Variants in PDGFD observed in about 807,000 individuals in gnomAD.
The protein encoded by PDGFD is platelet-derived growth factor D.
In PDGFD, 30 loss-of-function variants were observed where a neutral mutation model predicts 44.7. That is an observed-to-expected ratio of 0.67 (90% CI 0.50 to 0.91). The LOEUF (loss-of-function observed/expected upper bound fraction) is 0.91, where lower values mean the gene tolerates loss of function less well. Ranked by LOEUF, PDGFD falls within the 40% of genes least tolerant of loss-of-function variation. The pLI is 0.00. For synonymous variants in PDGFD, 173 were observed against 168.4 expected, an observed-to-expected ratio of 1.03 and a Z score of -0.21; for missense variants, 445 against 457.8, an observed-to-expected ratio of 0.97 and a Z score of 0.25.
intron 6 of PDGFD, among the ~76,000 whole-genome samples, chr11:103,920,608 A>G (rs903141452): frequency 6.6e-6 from 1 of 152,204 alleles, no homozygotes; most frequent in Non-Finnish European, 1.5e-5. Flanking sequence ...GGAGTTCACT[A>G]ACTTGTAAGT....
intron 3 of PDGFD, among the ~76,000 whole-genome samples, chr11:103,983,982 A>T (rs182669512): frequency 1.3e-5 from 2 of 151,686 alleles, no homozygotes; most frequent in Non-Finnish European, 2.9e-5. Flanking sequence ...CAGCCATGGC[A>T]GAAGACAGTG....
intron 1 of PDGFD, among the ~76,000 whole-genome samples, chr11:104,040,727 GACA>G (rs2134398777): frequency 6.7e-6 from 1 of 150,208 alleles, no homozygotes; most frequent in African/African-American, 2.4e-5. Flanking sequence ...AATTTTTTTT[GACA>G]ACAAACTACA....
At chr11:103,984,632 C>T (rs921400029) in intron 3 of PDGFD, among the ~76,000 whole-genome samples, 2 of 150,984 alleles carry the variant, frequency 1.3e-5, no homozygotes, top group Non-Finnish European at 2.9e-5. Flanking sequence ...TGGGTGTTTA[C>T]TTTTTGTTTA....
chr11:103,937,424 C>T (rs10895547), intron 5 of PDGFD, among the ~76,000 whole-genome samples: 48,886 of 151,902 alleles, frequency 0.32, 8,247 homozygotes, highest in East Asian at 0.39. Context: ...ATCACCTCTC[C>T]GTTAATGTCC....
At chr11:104,117,627 T>A (rs1819637507) in intron 1 of PDGFD, among the ~76,000 whole-genome samples, 1 of 151,878 alleles carries the variant, frequency 6.6e-6, no homozygotes, top group South Asian at 2.1e-4. Context: ...CTCAACCCCT[T>A]TTAAAATAAC....
intron 1 of PDGFD, among the ~76,000 whole-genome samples, chr11:104,119,558 A>G (rs1392240398): frequency 2.4e-5 from 2 of 82,912 alleles, no homozygotes; most frequent in African/African-American, 5.1e-5. Context: ...ATATTGATAT[A>G]ATATATAATA....
chr11:103,938,477 G>A (rs1237709247), intron 5 of PDGFD, among the ~76,000 whole-genome samples: 1 of 152,138 alleles, frequency 6.6e-6, no homozygotes, highest in Non-Finnish European at 1.5e-5. Context: ...TGAGTAGGTT[G>A]CAAAAATTTT....
intron 1 of PDGFD, among the ~76,000 whole-genome samples, chr11:104,159,539 A>G (rs1429620726): frequency 6.6e-6 from 1 of 152,248 alleles, no homozygotes; most frequent in Non-Finnish European, 1.5e-5. Context: ...GGACAGAGAC[A>G]GAAATATGCA....
intron 6 of PDGFD, among the ~76,000 whole-genome samples, chr11:103,912,761 C>T (rs1480109961): frequency 6.6e-6 from 1 of 151,196 alleles, no homozygotes; most frequent in African/African-American, 2.4e-5. Flanking sequence ...CACACATAGG[C>T]TCAAAATAAA....
intron 1 of PDGFD, among the ~76,000 whole-genome samples, chr11:104,118,400 C>A (rs370150054): frequency 1.8e-4 from 28 of 151,982 alleles, no homozygotes; most frequent in South Asian, 1.0e-3. Context: ...ATCAACCTAG[C>A]AAGTTCATCT....
In PDGFD at chr11:103,926,919, T is replaced by A; in HGVS notation, c.980A>T (p.Tyr327Phe). The change falls in exon 6 of 7, where the codon TAT becomes TTT. Residue 327 changes from tyrosine to phenylalanine, a missense_variant. Tyr to Phe is a conservative substitution (Grantham distance 22, BLOSUM62 3). Coordinates refer to ENST00000393158, the MANE Select transcript of PDGFD (RefSeq NM_025208.5). The stretch of plus-strand genomic sequence containing the variant: ...AATCTAAGAATGACATACCTCATGA[T>A]ACTTTTTCACGGTTTTCCCTGAATT... Reference protein sequence around the residue: ...TCNSGKTVKKYHEVLQFEPGH... With the variant: ...TCNSGKTVKKFHEVLQFEPGH... The A allele has an allele frequency of 6.2e-7, 1 of 1,613,624 alleles. No individual in the cohort carries two copies. Among genetic ancestry groups the A allele is most frequent in the Non-Finnish European group, 8.5e-7 (1 of 1,179,698 alleles).
At chr11:104,005,074 T>C (rs901464499) in intron 1 of PDGFD, among the ~76,000 whole-genome samples, 1 of 152,044 alleles carries the variant, frequency 6.6e-6, no homozygotes. Context: ...AGACAGGGCT[T>C]CACCATGTTG....
At chr11:104,088,862 G>A (rs962595539) in intron 1 of PDGFD, among the ~76,000 whole-genome samples, 7 of 151,808 alleles carry the variant, frequency 4.6e-5, no homozygotes, top group Non-Finnish European at 1.0e-4. Flanking sequence ...ACCCAGGGAG[G>A]TTCTAATGGT....
At chr11:104,066,811 C>T (rs899734599) in intron 1 of PDGFD, among the ~76,000 whole-genome samples, 2 of 152,100 alleles carry the variant, frequency 1.3e-5, no homozygotes, top group African/African-American at 4.8e-5. Flanking sequence ...AAATCACACT[C>T]GGCCTTTGAA....
chr11:103,990,803 A>G (rs563961157), intron 3 of PDGFD, among the ~76,000 whole-genome samples: 4 of 152,212 alleles, frequency 2.6e-5, no homozygotes, highest in Admixed American at 6.5e-5. Flanking sequence ...CGAATAGTCA[A>G]TTCCGAAGGT....
chr11:103,955,205 A>AAAAAAAAAAAAAC (rs1858823388), intron 3 of PDGFD, among the ~76,000 whole-genome samples: 1 of 133,206 alleles, frequency 7.5e-6, no homozygotes, highest in Non-Finnish European at 1.7e-5. Flanking sequence ...AAAAAAAAAA[A>AAAAAAAAAAAAAC]AAAACAGTAA....
At chr11:104,130,845 C>T (rs556199440) in intron 1 of PDGFD, among the ~76,000 whole-genome samples, 1 of 152,224 alleles carries the variant, frequency 6.6e-6, no homozygotes, top group South Asian at 2.1e-4. Flanking sequence ...CCTTCTGATA[C>T]TTTTGGTTTA....
At chr11:104,038,686 T>G (rs1386119528) in intron 1 of PDGFD, 8 of 167,090 alleles carry the variant, frequency 4.8e-5, no homozygotes, top group African/African-American at 1.4e-4. Flanking sequence ...GGATGCTACA[T>G]TAATTTTCTA....
At chr11:103,912,481 C>T (rs988910789) in intron 6 of PDGFD, among the ~76,000 whole-genome samples, 1 of 152,156 alleles carries the variant, frequency 6.6e-6, no homozygotes, top group Non-Finnish European at 1.5e-5. Flanking sequence ...CTGAAGGAAG[C>T]ACCAACATGG....
Sources: allele counts gnomAD v4.1 joint callset (sites outside exome capture counted in the v4.1 genomes callset), GRCh38; gene constraint gnomAD v4.1.1; transcripts MANE v1.5; gene names NCBI Gene and HGNC (gene_info 2026-07-23, HGNC 2026-07-21).